GREB1: variants seen among roughly 807,000 people sequenced by gnomAD.
GREB1 encodes protein GREB1.
In GREB1, 106 loss-of-function variants were observed where a neutral mutation model predicts 200.7. The ratio of observed to expected loss-of-function variants is 0.53; its 90% CI spans 0.45 to 0.62. GREB1 has a LOEUF of 0.62. GREB1 is among the 20% of genes least tolerant of loss of function. The pLI, the probability that GREB1 is intolerant of heterozygous loss-of-function variation, is 0.00. For missense variants in GREB1, 2,243 were observed against 2,556.8 expected (o/e 0.88, Z 2.65); for synonymous variants, 1,132 against 1,092.4 (o/e 1.04, Z -0.72).
chr2:11,612,235 G>T, intron 18 of GREB1: 823 of 516,492 alleles, frequency 1.6e-3, no homozygotes, highest in Non-Finnish European at 2.0e-3. Flanking sequence ...TGACAACATA[G>T]ACTTCCTTTC....
At chr2:11,605,115 T>G (rs1392531156) in intron 17 of GREB1, among the ~76,000 whole-genome samples, 2 of 141,782 alleles carry the variant, frequency 1.4e-5, no homozygotes, top group Admixed American at 1.5e-4. Context: ...CTGGGGGTAC[T>G]GTCTGGAGCT....
In GREB1 at chr2:11,592,781, G is replaced by T; in HGVS notation, c.1351G>T (p.Asp451Tyr). The T allele has an allele frequency of 6.6e-7, 1 of 1,526,448 alleles. No homozygotes were observed. The highest frequency in any genetic ancestry group is 1.3e-5 in the South Asian group (1 of 76,664). 94.6% of individuals were successfully genotyped at this position (1,526,448 alleles called of 1,614,324 possible). A position where few individuals can be genotyped will look rare whatever the true frequency, so the allele number is the denominator to read the frequency against. ...CCGCCCGCATTGTGTTGCAGCCGCG[G>T]ACCAGGTGCCCTTGATGGAGGACCT... ...TVYYLVQLAADQVPLMEDLEQ... is the reference protein window; with the variant it reads ...TVYYLVQLAAYQVPLMEDLEQ... Residue 451 changes from aspartate (D) to tyrosine (Y), a missense_variant, in exon 11 of 33, where the codon GAC becomes TAC. This residue lies in a region of GREB1 where 1,178 missense variants were observed against 1,387.4 expected (regional missense o/e 0.85). Transcript: ENST00000381486.
intron 3 of GREB1, among the ~76,000 whole-genome samples, chr2:11,564,593 CTG>C: frequency 6.6e-6 from 1 of 152,344 alleles, no homozygotes; most frequent in South Asian, 2.1e-4. Context: ...ACAGTAAACA[CTG>C]TGACTACTCA....
intron 9 of GREB1, chr2:11,588,054 T>A: frequency 1.6e-6 from 1 of 634,220 alleles, no homozygotes; most frequent in Non-Finnish European, 2.0e-6. Flanking sequence ...GGTGAAACCT[T>A]GTCTCTACTA....
Position 11,618,617 on chromosome 2 carries a change from T to C in GREB1, c.3742T>C (p.Ser1248Pro). The change falls in exon 22 of 33, where the codon TCC (serine) becomes CCC (proline). Residue 1248 changes from serine to proline, a missense_variant. By Grantham distance (74) the Ser-to-Pro change is moderately conservative. Coordinates refer to ENST00000381486, the MANE Select transcript of GREB1 (RefSeq NM_014668.4). Reference sequence around the variant, plus strand: ...GTGGGTCCTGCAGGCCTCCCAGTGCTCCTTGACCAAGGCCTGCCGCCAGCC... The same window carrying C: ...GTGGGTCCTGCAGGCCTCCCAGTGCCCCTTGACCAAGGCCTGCCGCCAGCC... ...GTWVLQASQC[S>P]LTKACRQPPI... 1 of 1,613,260 alleles carries C rather than the reference T, an allele frequency of 6.2e-7. No homozygotes were observed. Among genetic ancestry groups the C allele is most frequent in the African/African-American group, 1.3e-5 (1 of 75,022 alleles).
chr2:11,579,405 A>G (rs774895981), intron 6 of GREB1, among the ~76,000 whole-genome samples: 1 of 152,194 alleles, frequency 6.6e-6, no homozygotes, highest in Admixed American at 6.5e-5. Flanking sequence ...AAGTTGGGCA[A>G]ATCTCTTCTG....
chr2:11,561,368 T>C (rs1677015811), intron 2 of GREB1: 1 of 150,620 alleles, frequency 6.6e-6, no homozygotes, highest in South Asian at 2.1e-4. Context: ...GATATTTTTT[T>C]TTTTTTTTTT....
rs1685021431 is a variant in GREB1 at position 11,633,129 on chromosome 2, TTGTA to T, written c.4991+69_4991+72del. ...ATGATGACCAACGAGTGTGCCCTCT[TTGTA>T]TGGGGAATGTGCCCACCCCTGGAAG... On this transcript the variant is annotated intron_variant, in intron 28 of 32. Coordinates refer to ENST00000381486, the MANE Select transcript of GREB1 (RefSeq NM_014668.4). This position sits in a 1 kb window ranked among gnomAD's most constrained non-coding sequence, Gnocchi z 4.1. 5 of 1,507,570 alleles carry T rather than the reference TTGTA, an allele frequency of 3.3e-6. No individual in the cohort carries two copies. In the South Asian group the frequency reaches 4.6e-5, roughly 14 times the overall value. 93.4% of individuals were successfully genotyped at this position (1,507,570 alleles called of 1,614,324 possible).
intron 1 of GREB1, among the ~76,000 whole-genome samples, chr2:11,536,851 C>T (rs972077764): frequency 2.0e-5 from 3 of 152,316 alleles, no homozygotes; most frequent in South Asian, 2.1e-4. Flanking sequence ...ATTTTCTCCT[C>T]ATAATAGTAA....
intron 11 of GREB1, 121 bp downstream of exon 11, chr2:11,593,247 T>A: frequency 1.6e-6 from 1 of 641,220 alleles, no homozygotes; most frequent in Non-Finnish European, 2.6e-6. Context: ...AGTTAGCACC[T>A]GCGGTTTGTG....
chr2:11,629,064 A>G lies in GREB1; in HGVS notation c.4450-884A>G, dbSNP rs1206626422. 6.6e-6 allele frequency among the ~76,000 whole-genome samples: 1 copy of G among 152,080 alleles called. No homozygotes were observed. The highest frequency in any genetic ancestry group is 1.5e-5 in the Non-Finnish European group (1 of 68,018). On this transcript the variant is annotated intron_variant, in intron 25 of 32. Coordinates refer to ENST00000381486, the MANE Select transcript of GREB1 (RefSeq NM_014668.4). This position sits in a 1 kb window ranked among gnomAD's most constrained non-coding sequence, Gnocchi z 5.2. ...TGTGTCCTCCTTAACTGCCTCCCCG[A>G]GTCAAAATCCCTTTCTCCCTCATCT...
At chr2:11,598,594 T>C in intron 14 of GREB1, 86 bp from the exon 15 acceptor site, 1 of 1,185,108 alleles carries the variant, frequency 8.4e-7, no homozygotes, top group South Asian at 1.4e-5. Context: ...ACCTGCTGTG[T>C]AGGAGTCGCT....
In GREB1 at chr2:11,556,739, T is replaced by C. The variant is rs1676468166; in HGVS notation, c.125T>C (p.Leu42Pro). 6.2e-7 allele frequency: 1 copy of C among 1,614,120 alleles called. No homozygotes were observed. Among genetic ancestry groups the C allele is most frequent in the Non-Finnish European group, 8.5e-7 (1 of 1,179,986 alleles). The change falls in exon 2 of 33, where the codon CTG (leucine) becomes CCG (proline). Residue 42 changes from leucine (L) to proline (P), a missense_variant. Around this residue, in one of 3 missense-constraint regions of GREB1, gnomAD observed 1,178 missense variants for 1,387.4 expected, o/e 0.85. Transcript: ENST00000381486. Reference sequence around the variant, plus strand: ...AGGCCCATCTTTTCCCAGCTGTACCTGGAAGCTGAGCAGCAGCTTGCCGCT... The same window carrying C: ...AGGCCCATCTTTTCCCAGCTGTACCCGGAAGCTGAGCAGCAGCTTGCCGCT... ...VPRPIFSQLY[L>P]EAEQQLAALE...
chr2:11,616,897 C>T (rs892868), intron 21 of GREB1, among the ~76,000 whole-genome samples, 177 bp downstream of exon 21: 89,403 of 152,180 alleles, frequency 0.59, 27,208 homozygotes, highest in African/African-American at 0.76. Context: ...TGGTCAACTT[C>T]GGATCGGAGA....
intron 7 of GREB1, among the ~76,000 whole-genome samples, chr2:11,581,845 A>G (rs1049104290): frequency 3.9e-5 from 6 of 152,182 alleles, no homozygotes; most frequent in African/African-American, 1.4e-4. Context: ...GTGCTGGTGG[A>G]GGATCTCCCT....
Position 11,638,873 on chromosome 2 carries a change from G to C in GREB1, c.5686+64G>C, listed in dbSNP as rs1685592263. ...TGGCTGTAGTCACCGGGTACCCTGAGGAGGGGACCTTTGGTCCTAGTCCTT... is the reference window on the plus strand; with the variant it reads ...TGGCTGTAGTCACCGGGTACCCTGACGAGGGGACCTTTGGTCCTAGTCCTT... On this transcript the variant is annotated intron_variant, in intron 32 of 32. Coordinates refer to ENST00000381486, the MANE Select transcript of GREB1 (RefSeq NM_014668.4). 12 of 1,539,476 alleles carry C rather than the reference G, an allele frequency of 7.8e-6. No individual in the cohort carries two copies. The East Asian group carries it at 2.7e-4, about 35-fold the overall frequency.
At chr2:11,617,561 T>C (rs1683524754) in intron 21 of GREB1, among the ~76,000 whole-genome samples, 1 of 152,158 alleles carries the variant, frequency 6.6e-6, no homozygotes, top group South Asian at 2.1e-4. Context: ...GATTTCAGGG[T>C]AGGTGAGGTT....
Position 11,610,964 on chromosome 2 carries a change from G to C in GREB1, c.2943G>C (p.Glu981Asp). The C allele has an allele frequency of 6.2e-7, 1 of 1,608,930 alleles. No homozygotes were observed. The highest frequency in any genetic ancestry group is 1.1e-5 in the South Asian group (1 of 90,450). The change falls in exon 18 of 33, where the codon GAG becomes GAC. Residue 981 changes from glutamate to aspartate, a missense_variant. By Grantham distance (45) the Glu-to-Asp change is conservative. Coordinates refer to ENST00000381486, the MANE Select transcript of GREB1 (RefSeq NM_014668.4). ...RARLALEEHF[E>D]IILGSPSSGV... ...GGCTGGCGCTGGAGGAGCACTTTGA[G>C]ATCATCCTGGGCAGTCCCAGCTCAG...
At chr2:11,584,357 C>T (rs1465811345) in intron 7 of GREB1, among the ~76,000 whole-genome samples, 2 of 152,140 alleles carry the variant, frequency 1.3e-5, no homozygotes, top group African/African-American at 4.8e-5. Flanking sequence ...GGATGCGCTG[C>T]TCTGTACTTG....
Sources: gnomAD v4.1 joint callset for allele counts (sites outside exome capture counted in the v4.1 genomes callset) on GRCh38, gnomAD v4.1.1 for gene constraint, gnomAD v4.1.1 regional missense constraint, Gnocchi (gnomAD v3.1) non-coding constraint, MANE v1.5 for transcripts, NCBI Gene and HGNC (gene_info 2026-07-23, HGNC 2026-07-21) for gene names.